KAZN: variants seen among roughly 807,000 people sequenced by gnomAD.
KAZN encodes the protein kazrin, periplakin interacting protein, also known as kazrin.
A neutral mutation model predicts 87.4 loss-of-function variants in KAZN; 40 were observed. That is an observed-to-expected ratio of 0.46 (90% CI 0.36 to 0.60). KAZN has a LOEUF of 0.60. Ranked by LOEUF, KAZN falls within the 20% of genes least tolerant of loss-of-function variation. The pLI, the probability that KAZN is intolerant of heterozygous loss-of-function variation, is 0.00. For synonymous variants in KAZN, 466 were observed against 458.3 expected (o/e 1.02, Z -0.22); for missense variants, 898 against 1,073.9 (o/e 0.84, Z 2.29).
intron 2 of KAZN, among the ~76,000 whole-genome samples, chr1:14,369,993 T>A (rs1464981817): frequency 6.6e-6 from 1 of 152,152 alleles, no homozygotes. Flanking sequence ...GTGGGTGCAT[T>A]CCACCTCCCC....
intron 1 of KAZN, among the ~76,000 whole-genome samples, chr1:14,764,187 C>T (rs1232421948): frequency 1.3e-5 from 2 of 152,082 alleles, no homozygotes; most frequent in Non-Finnish European, 2.9e-5. Flanking sequence ...AATCCACATT[C>T]CCGGGGCACT....
intron 2 of KAZN, among the ~76,000 whole-genome samples, chr1:14,251,879 G>A (rs1450632772): frequency 2.0e-5 from 3 of 151,730 alleles, no homozygotes; most frequent in African/African-American, 7.3e-5. Context: ...GAACTCCTGA[G>A]CTCAAGTGAT....
chr1:14,165,956 C>T (rs1220983741), intron 1 of KAZN, among the ~76,000 whole-genome samples: 4 of 152,102 alleles, frequency 2.6e-5, no homozygotes, highest in Admixed American at 1.3e-4. Context: ...GATTCTCTCA[C>T]GGTCATACAA....
intron 2 of KAZN, among the ~76,000 whole-genome samples, chr1:14,346,152 A>G (rs957248): frequency 0.53 from 79,866 of 152,016 alleles, 21,853 homozygotes; most frequent in Non-Finnish European, 0.62. Context: ...GCTCACAGTG[A>G]CCCTAGCTGG....
Position 14,903,958 on chromosome 1 carries a change from G to A in KAZN, c.227-56726G>A, listed in dbSNP as rs562562718. On this transcript the variant is annotated intron_variant, in intron 1 of 14. Coordinates refer to ENST00000376030, the MANE Select transcript of KAZN (RefSeq NM_201628.3). ...GACTGCGGAAGGCCAGACAGCGAGG[G>A]CAGCATTCTGTCTTAATCTCCCCTT... Among the ~76,000 whole-genome samples, 10 of 152,286 alleles carry A rather than the reference G, an allele frequency of 6.6e-5. No homozygotes were observed. In the South Asian group the frequency reaches 2.1e-3, roughly 32 times the overall value.
chr1:13,897,228 C>T (rs7522358), intron 1 of KAZN, among the ~76,000 whole-genome samples: 26,356 of 152,044 alleles, frequency 0.17, 2,882 homozygotes, highest in Admixed American at 0.35. Flanking sequence ...TGAAACCATG[C>T]GAACCATAAA....
intron 2 of KAZN, among the ~76,000 whole-genome samples, chr1:14,463,956 T>C (rs1190845266): frequency 6.6e-6 from 1 of 152,198 alleles, no homozygotes. Flanking sequence ...TTCTGAGAGC[T>C]TGGAGGGGCC....
chr1:14,120,485 A>G (rs1395381937), intron 1 of KAZN, among the ~76,000 whole-genome samples: 2 of 152,172 alleles, frequency 1.3e-5, no homozygotes, highest in Non-Finnish European at 2.9e-5. Flanking sequence ...AACCCATATC[A>G]CATATGTAGT....
chr1:13,990,549 G>A (rs778858420), intron 1 of KAZN, among the ~76,000 whole-genome samples: 21 of 152,092 alleles, frequency 1.4e-4, no homozygotes, highest in African/African-American at 4.6e-4. Context: ...GGCTGAGAGG[G>A]GACACGCGGG....
At chr1:15,002,005 C>T (rs986839210) in intron 2 of KAZN, among the ~76,000 whole-genome samples, 42 of 151,114 alleles carry the variant, frequency 2.8e-4, no homozygotes, top group Non-Finnish European at 4.6e-4. Context: ...CTCAGCCTCC[C>T]GAGTAGCTGG....
intron 2 of KAZN, among the ~76,000 whole-genome samples, chr1:14,396,760 G>C (rs1367153304): frequency 6.6e-6 from 1 of 152,180 alleles, no homozygotes; most frequent in Non-Finnish European, 1.5e-5. Context: ...AATAAATGCA[G>C]GGGAATAAGC....
chr1:14,123,627 T>C (rs368275086), intron 1 of KAZN, among the ~76,000 whole-genome samples: 2 of 152,208 alleles, frequency 1.3e-5, no homozygotes, highest in East Asian at 3.9e-4. Context: ...GCAATTCCAA[T>C]AGAGTCAACC....
chr1:14,295,590 C>A lies in KAZN; in HGVS notation c.249+114998C>A, dbSNP rs754529108. On this transcript the variant is annotated intron_variant, in intron 2 of 16. Transcript: ENST00000636203. ...GAAAAGACACACACTTATAGACACACAAACCCATGTGCACCAAAGAGCCAC... is the reference window on the plus strand; with the variant it reads ...GAAAAGACACACACTTATAGACACAAAAACCCATGTGCACCAAAGAGCCAC... Among the ~76,000 whole-genome samples, 165 of 152,232 alleles carry A rather than the reference C, an allele frequency of 1.1e-3. 1 individual carries two copies. Among genetic ancestry groups the A allele is most frequent in the Non-Finnish European group, 1.5e-3 (105 of 68,008 alleles).
intron 2 of KAZN, among the ~76,000 whole-genome samples, chr1:14,461,585 A>G (rs995596107): frequency 3.3e-5 from 5 of 152,186 alleles, no homozygotes; most frequent in African/African-American, 1.2e-4. Context: ...GGACTAATAC[A>G]GAGGGATAAG....
At chr1:14,323,299 C>G (rs1405082741) in intron 2 of KAZN, among the ~76,000 whole-genome samples, 1 of 152,044 alleles carries the variant, frequency 6.6e-6, no homozygotes, top group African/African-American at 2.4e-5. Flanking sequence ...GGTGGATGAG[C>G]AGGGAGGTGC....
At chr1:13,979,587 G>A (rs1638553735) in intron 1 of KAZN, among the ~76,000 whole-genome samples, 1 of 152,216 alleles carries the variant, frequency 6.6e-6, no homozygotes, top group Non-Finnish European at 1.5e-5. Context: ...AATGGTAAAT[G>A]TAATTTAAAT....
At chr1:14,386,214 C>G (rs1320004627) in intron 2 of KAZN, among the ~76,000 whole-genome samples, 1 of 144,714 alleles carries the variant, frequency 6.9e-6, no homozygotes, top group Non-Finnish European at 1.5e-5. Flanking sequence ...TGTCTCTGCA[C>G]ATGAGATGGG....
chr1:13,987,871 T>A (rs1352474499), intron 1 of KAZN, among the ~76,000 whole-genome samples: 1 of 152,188 alleles, frequency 6.6e-6, no homozygotes, highest in Non-Finnish European at 1.5e-5. Flanking sequence ...CAGAGATTAA[T>A]TTTTTTACAG....
At chr1:14,044,860 G>T (rs1283282779) in intron 1 of KAZN, among the ~76,000 whole-genome samples, 1 of 152,188 alleles carries the variant, frequency 6.6e-6, no homozygotes, top group Admixed American at 6.5e-5. Context: ...TGACAGAAAT[G>T]ATGTTATGAG....
Sources: gnomAD v4.1 joint callset for allele counts (sites outside exome capture counted in the v4.1 genomes callset) on GRCh38, gnomAD v4.1.1 for gene constraint, MANE v1.5 for transcripts, NCBI Gene and HGNC (gene_info 2026-07-23, HGNC 2026-07-21) for gene names.